GRID2: variants seen among roughly 807,000 people sequenced by gnomAD.
The protein encoded by GRID2 is glutamate ionotropic receptor delta type subunit 2.
GRID2 carries 33 observed loss-of-function variants against 114.8 expected under a neutral mutation model. The observed-to-expected ratio is 0.29, with a 90% CI of 0.22 to 0.38. The LOEUF (loss-of-function observed/expected upper bound fraction) is 0.38. Ranked by LOEUF, GRID2 falls within the 10% of genes least tolerant of loss-of-function variation. GRID2 has a pLI of 1.00. For synonymous variants in GRID2, 505 were observed against 449.9 expected, an observed-to-expected ratio of 1.12 and a Z score of -1.55; for missense variants, 1,184 against 1,257.7, an observed-to-expected ratio of 0.94 and a Z score of 0.89.
At position 92,978,125 on chromosome 4, in the gene GRID2, G is replaced by A. The variant is rs1039769250; in HGVS notation, c.245-106870G>A. On this transcript the variant is annotated intron_variant, in intron 2 of 15. Transcript: ENST00000282020. ...AATTAAAGAATTAGAGTGTGCCTAT[G>A]GAAAGGGCACACATGAAAGGAAAAT... Among the ~76,000 whole-genome samples the A allele has an allele frequency of 9.2e-5, 14 of 152,182 alleles. No homozygotes were observed. The South Asian group carries it at 2.5e-3, about 27-fold the overall frequency.
chr4:92,627,217 T>G (rs1730569444), intron 2 of GRID2, among the ~76,000 whole-genome samples: 1 of 152,092 alleles, frequency 6.6e-6, no homozygotes, highest in Non-Finnish European at 1.5e-5. Flanking sequence ...AACAGTATTT[T>G]AGGAGGCAGT....
intron 1 of GRID2, among the ~76,000 whole-genome samples, chr4:92,504,914 A>G (rs926746498): frequency 3.3e-5 from 5 of 152,082 alleles, no homozygotes; most frequent in Admixed American, 6.6e-5. Context: ...AAATATTTAT[A>G]CTAGAAAATA....
intron 2 of GRID2, among the ~76,000 whole-genome samples, chr4:92,703,966 T>G (rs1276713877): frequency 6.6e-6 from 1 of 152,088 alleles, no homozygotes; most frequent in African/African-American, 2.4e-5. Flanking sequence ...ACTTCGTAGA[T>G]GTTTGCAGAA....
intron 13 of GRID2, among the ~76,000 whole-genome samples, chr4:93,517,384 C>T (rs1287060212): frequency 6.6e-6 from 1 of 152,048 alleles, no homozygotes; most frequent in Non-Finnish European, 1.5e-5. Context: ...GAGTTCGAAA[C>T]TGCAAATCAA....
chr4:93,204,220 A>G (rs780960903), intron 4 of GRID2: 1 of 152,144 alleles, frequency 6.6e-6, no homozygotes. Flanking sequence ...TTTGAGGACT[A>G]ATGATTTTAG....
At chr4:93,545,476 A>G (rs898056644) in intron 13 of GRID2, among the ~76,000 whole-genome samples, 1 of 152,210 alleles carries the variant, frequency 6.6e-6, no homozygotes, top group African/African-American at 2.4e-5. Flanking sequence ...TAATATGAGT[A>G]GGTAATGGCA....
At chr4:92,854,511 A>G (rs924911784) in intron 2 of GRID2, among the ~76,000 whole-genome samples, 6 of 151,358 alleles carry the variant, frequency 4.0e-5, no homozygotes, top group African/African-American at 7.3e-5. Context: ...GAACACTGCA[A>G]TTTCTGGAGA....
chr4:93,156,439 A>T (rs1035616925), intron 4 of GRID2, among the ~76,000 whole-genome samples: 1 of 151,770 alleles, frequency 6.6e-6, no homozygotes, highest in Non-Finnish European at 1.5e-5. Flanking sequence ...ACAAGGAACA[A>T]TAATCCAGTT....
At chr4:92,546,493 T>C (rs1175549860) in intron 1 of GRID2, among the ~76,000 whole-genome samples, 1 of 152,206 alleles carries the variant, frequency 6.6e-6, no homozygotes, top group African/African-American at 2.4e-5. Flanking sequence ...TGACCTTATG[T>C]TGTTCGGTAA....
At chr4:93,667,980 T>C (rs1164978532) in intron 14 of GRID2, among the ~76,000 whole-genome samples, 2 of 152,044 alleles carry the variant, frequency 1.3e-5, no homozygotes, top group African/African-American at 2.4e-5. Context: ...AATGTAATGA[T>C]GTTTTTCACC....
chr4:93,073,972 G>C (rs954946922), intron 2 of GRID2, among the ~76,000 whole-genome samples: 4 of 152,170 alleles, frequency 2.6e-5, no homozygotes, highest in Non-Finnish European at 5.9e-5. Context: ...TCTACCACAG[G>C]GGAAGGACCC....
At position 92,426,661 on chromosome 4, in the gene GRID2, G is replaced by A. The variant is rs149505327; in HGVS notation, c.88+121917G>A. Among the ~76,000 whole-genome samples the A allele has an allele frequency of 3.9e-3, 599 of 152,152 alleles. 6 individuals are homozygous for A. Among genetic ancestry groups the A allele is most frequent in the African/African-American group, 0.014 (561 of 41,522 alleles). On this transcript the variant is annotated intron_variant, in intron 1 of 15. Coordinates refer to ENST00000282020, the MANE Select transcript of GRID2 (RefSeq NM_001510.4). ...TTGGAAATACAATCACAAAGAACAA[G>A]AGCAAATATCTTTCCTTTGATTTGT...
rs3076580 is a variant in GRID2 at position 92,329,993 on chromosome 4, AAG to A, written c.88+25281_88+25282del. Among the ~76,000 whole-genome samples, 359 of 132,546 alleles carry A rather than the reference AAG, an allele frequency of 2.7e-3. 2 individuals carry two copies. The highest frequency in any genetic ancestry group is 6.7e-3 in the South Asian group (24 of 3,594). The allele number at this position is 132,546 out of a possible 152,430, so 87.0% of individuals were successfully genotyped here. On this transcript the variant is annotated intron_variant, in intron 1 of 15. Coordinates refer to ENST00000282020, the MANE Select transcript of GRID2 (RefSeq NM_001510.4). ...AAAAAGGAAGAGGAGTATGGGAGGA[AAG>A]AGAGAGAGAGAGAGAGAGAGAGAGA...
At chr4:93,224,851 T>C (rs771190813) in intron 7 of GRID2, 76 bp downstream of exon 7, 15 of 1,032,750 alleles carry the variant, frequency 1.5e-5, no homozygotes, top group Non-Finnish European at 2.2e-5. Flanking sequence ...GGTTTCCTCT[T>C]TAATATTTCT....
At chr4:92,976,886 T>A (rs1229622236) in intron 2 of GRID2, among the ~76,000 whole-genome samples, 3 of 152,154 alleles carry the variant, frequency 2.0e-5, no homozygotes, top group Non-Finnish European at 4.4e-5. Context: ...AATCATACAC[T>A]CTTACATTAA....
At chr4:93,431,804 A>G (rs1769438132) in intron 10 of GRID2, among the ~76,000 whole-genome samples, 1 of 152,106 alleles carries the variant, frequency 6.6e-6, no homozygotes, top group South Asian at 2.1e-4. Context: ...AAGAAGGAAA[A>G]TGTAATATAA....
chr4:93,760,243 A>G (rs904334293), intron 14 of GRID2, among the ~76,000 whole-genome samples: 3 of 152,194 alleles, frequency 2.0e-5, no homozygotes, highest in Admixed American at 2.0e-4. Flanking sequence ...AGCATCATGC[A>G]TGTGTTTATT....
intron 4 of GRID2, among the ~76,000 whole-genome samples, chr4:93,128,038 A>C (rs202094125): frequency 0.05 from 7,061 of 142,572 alleles, 427 homozygotes; most frequent in East Asian, 0.19. Flanking sequence ...AAAAAAAAAA[A>C]AAAAAAAAAA....
At chr4:93,697,869 G>GTGTATATATATATATA (rs1553986412) in intron 14 of GRID2, among the ~76,000 whole-genome samples, 1 of 122,650 alleles carries the variant, frequency 8.2e-6, no homozygotes, top group Non-Finnish European at 1.7e-5. Context: ...CACAATGTGT[G>GTGTATATATATATATA]TATATATATA....
Sources: gnomAD v4.1 joint callset for allele counts (sites outside exome capture counted in the v4.1 genomes callset) on GRCh38, gnomAD v4.1.1 for gene constraint, MANE v1.5 for transcripts, NCBI Gene and HGNC (gene_info 2026-07-23, HGNC 2026-07-21) for gene names.